The following HECW2 variants were observed in gnomAD, a reference collection of about 807,000 sequenced individuals.
HECW2 encodes HECT, C2 and WW domain containing E3 ubiquitin protein ligase 2.
A neutral mutation model predicts 175.2 loss-of-function variants in HECW2; 61 were observed. The observed-to-expected ratio is 0.35, with a 90% CI of 0.28 to 0.43. The LOEUF is 0.43. Among genes scored for constraint, HECW2 ranks in the 20% least tolerant of loss-of-function variants. The pLI is 1.00. For synonymous variants in HECW2, 671 were observed against 731.0 expected, an observed-to-expected ratio of 0.92 and a Z score of 1.32; for missense variants, 1,524 against 2,000.5, an observed-to-expected ratio of 0.76 and a Z score of 4.54.
At chr2:196,380,579 T>C (rs924005662) in intron 2 of HECW2, among the ~76,000 whole-genome samples, 1 of 152,192 alleles carries the variant, frequency 6.6e-6, no homozygotes, top group Non-Finnish European at 1.5e-5. Context: ...TAGGGTTGTT[T>C]GCACCAAAGA....
intron 2 of HECW2, among the ~76,000 whole-genome samples, chr2:196,399,667 G>A (rs570369255): frequency 3.8e-4 from 58 of 152,300 alleles, no homozygotes; most frequent in African/African-American, 1.4e-3. Flanking sequence ...AAAAACAAAA[G>A]TGGGATTCAA....
At chr2:196,566,769 T>C (rs561214306) in intron 1 of HECW2, among the ~76,000 whole-genome samples, 4 of 148,556 alleles carry the variant, frequency 2.7e-5, no homozygotes, top group Non-Finnish European at 5.9e-5. Context: ...GCCAGGCTGG[T>C]CTCAAACTCC....
At chr2:196,584,722 A>G (rs1690915304) in intron 1 of HECW2, among the ~76,000 whole-genome samples, 1 of 152,032 alleles carries the variant, frequency 6.6e-6, no homozygotes, top group Non-Finnish European at 1.5e-5. Context: ...TCTTCCCTGA[A>G]CCCTTTCCAA....
chr2:196,343,595 A>G, intron 3 of HECW2, 62 bp downstream of exon 3: 1 of 1,041,720 alleles, frequency 9.6e-7, no homozygotes, highest in Non-Finnish European at 1.5e-6. Flanking sequence ...AAGACTCCAT[A>G]GAATTCTGCA....
At chr2:196,552,523 G>A (rs994273663) in intron 1 of HECW2, among the ~76,000 whole-genome samples, 1 of 152,186 alleles carries the variant, frequency 6.6e-6, no homozygotes, top group Admixed American at 6.5e-5. Flanking sequence ...TAGCAAAGAA[G>A]CCTTACTATT....
chr2:196,251,367 A>G (rs1459408566), intron 19 of HECW2, among the ~76,000 whole-genome samples: 3 of 152,150 alleles, frequency 2.0e-5, no homozygotes, highest in African/African-American at 4.8e-5. Context: ...CTCCTTTTCA[A>G]TGACTTTCTC....
At chr2:196,427,605 T>C (rs1442235613) in intron 2 of HECW2, among the ~76,000 whole-genome samples, 2 of 152,136 alleles carry the variant, frequency 1.3e-5, no homozygotes, top group Non-Finnish European at 2.9e-5. Context: ...TTCTTTTTAT[T>C]TGGTGCACTT....
At chr2:196,289,562 G>A (rs529415076) in intron 14 of HECW2, 4 of 152,276 alleles carry the variant, frequency 2.6e-5, no homozygotes, top group African/African-American at 9.6e-5. Context: ...CGAGGAGTTG[G>A]AGATCACCAG....
At chr2:196,527,484 G>A (rs573378700) in intron 1 of HECW2, among the ~76,000 whole-genome samples, 1 of 152,242 alleles carries the variant, frequency 6.6e-6, no homozygotes, top group South Asian at 2.1e-4. Context: ...GTTTCTATTC[G>A]GCCATCTTGG....
chr2:196,308,366 G>T (rs889964262), intron 10 of HECW2, among the ~76,000 whole-genome samples: 2 of 152,076 alleles, frequency 1.3e-5, no homozygotes, highest in East Asian at 1.9e-4. Flanking sequence ...CTTCACGTAT[G>T]AGCCCCAGCA....
intron 23 of HECW2, among the ~76,000 whole-genome samples, chr2:196,225,427 C>A (rs555945635): frequency 1.3e-5 from 2 of 152,248 alleles, no homozygotes; most frequent in Non-Finnish European, 2.9e-5. Flanking sequence ...CTAAGACTAA[C>A]CCACAACAAT....
At position 196,195,818 on chromosome 2, in the gene HECW2, C is replaced by T. The variant is rs930427875; in HGVS notation, c.*5459G>A. 1 of 152,172 alleles carries T rather than the reference C, an allele frequency of 6.6e-6. No homozygotes were observed. The highest frequency in any genetic ancestry group is 2.4e-5 in the African/African-American group (1 of 41,446). The allele number at this position is 152,172 out of a possible 1,614,324, so 9.4% of individuals were successfully genotyped here. ...AATTTTATGCTAAATTGTCAAATCT[C>T]CTGATCAAGCTATGGTTAGCTTTAA... On this transcript the variant is annotated 3_prime_UTR_variant, in exon 29 of 29. Coordinates refer to ENST00000644978, the MANE Select transcript of HECW2 (RefSeq NM_001348768.2).
intron 2 of HECW2, among the ~76,000 whole-genome samples, chr2:196,350,981 G>A (rs1693150782): frequency 6.6e-6 from 1 of 152,144 alleles, no homozygotes; most frequent in African/African-American, 2.4e-5. Flanking sequence ...CTAGACATAT[G>A]TATTTCTTTA....
chr2:196,487,165 A>AAG (rs1352184040), intron 1 of HECW2, among the ~76,000 whole-genome samples: 3 of 150,868 alleles, frequency 2.0e-5, no homozygotes, highest in Non-Finnish European at 4.4e-5. Context: ...AAAAAAAAAA[A>AAG]TTAGCCAGGC....
intron 6 of HECW2, among the ~76,000 whole-genome samples, chr2:196,323,552 G>A (rs1415830154): frequency 1.3e-5 from 2 of 152,120 alleles, no homozygotes; most frequent in African/African-American, 4.8e-5. Context: ...GTTTTCCAAA[G>A]GGCCAAGCAA....
intron 17 of HECW2, among the ~76,000 whole-genome samples, chr2:196,266,574 C>G (rs1689526625): frequency 6.6e-6 from 1 of 152,098 alleles, no homozygotes; most frequent in Non-Finnish European, 1.5e-5. Context: ...GCATATGGAT[C>G]ATCAGAAGTA....
chr2:196,328,586 G>A (rs991601395), intron 5 of HECW2, among the ~76,000 whole-genome samples: 2 of 151,954 alleles, frequency 1.3e-5, no homozygotes, highest in Non-Finnish European at 2.9e-5. Context: ...GTCTTTTAAC[G>A]CTCACTCTCA....
At position 196,292,399 on chromosome 2, in the gene HECW2, G is replaced by A; in HGVS notation, c.3000+166C>T. The stretch of plus-strand genomic sequence containing the variant: ...ACGACTTCAGAATGGCACAGTCACT[G>A]TTTGTGGTCACAAACAACCTGCTGT... On this transcript the variant is annotated intron_variant, in intron 14 of 28. Coordinates refer to ENST00000644978, the MANE Select transcript of HECW2 (RefSeq NM_001348768.2). 5.0e-6 allele frequency: 3 copies of A among 601,398 alleles called. No homozygotes were observed. The South Asian group carries it at 6.6e-5, about 13-fold the overall frequency. 37.3% of individuals were successfully genotyped at this position (601,398 alleles called of 1,614,324 possible). A position where few individuals can be genotyped will look rare whatever the true frequency, so the allele number is the denominator to read the frequency against.
chr2:196,267,996 C>G (rs1465523786), intron 17 of HECW2, among the ~76,000 whole-genome samples: 2 of 152,102 alleles, frequency 1.3e-5, no homozygotes, highest in Non-Finnish European at 2.9e-5. Context: ...CTGAGTGGCT[C>G]CATTCCATGT....
Sources: allele counts gnomAD v4.1 joint callset (sites outside exome capture counted in the v4.1 genomes callset), GRCh38; gene constraint gnomAD v4.1.1; transcripts MANE v1.5; gene names NCBI Gene and HGNC (gene_info 2026-07-23, HGNC 2026-07-21).